SLC12A2: variants seen among roughly 807,000 people sequenced by gnomAD.
SLC12A2 encodes solute carrier family 12 member 2, also known as Na-K-2Cl cotransporter 1.
Under a neutral mutation model 136.3 loss-of-function variants are expected in SLC12A2, and 67 were observed. The observed-to-expected ratio is 0.49, with a 90% confidence interval of 0.40 to 0.60. The LOEUF (loss-of-function observed/expected upper bound fraction) is 0.60, where lower values mean the gene tolerates loss of function less well. Ranked by LOEUF, SLC12A2 falls within the 20% of genes least tolerant of loss-of-function variation. The pLI is 0.00. For missense variants in SLC12A2, 1,322 were observed against 1,534.7 expected (o/e 0.86, Z 2.32); for synonymous variants, 619 against 562.9 (o/e 1.10, Z -1.41).
intron 1 of SLC12A2, among the ~76,000 whole-genome samples, chr5:128,094,017 C>A (rs1760432491): frequency 1.3e-5 from 2 of 151,992 alleles, no homozygotes; most frequent in African/African-American, 4.8e-5. Flanking sequence ...CATACACCCA[C>A]TGTTAACTTT....
Position 128,131,050 on chromosome 5 carries a change from T to C in SLC12A2, c.1049-17T>C, listed in dbSNP as rs201305306. On this transcript the variant is annotated splice_polypyrimidine_tract_variant and intron_variant, in intron 4 of 26. Transcript: ENST00000262461. ...AACTTTAGTACCTGTTTTTTTTGTT[T>C]GTTTGTTTGTTTTTAGGAGGAGCAT... 6 of 1,610,716 alleles carry C rather than the reference T, an allele frequency of 3.7e-6. No homozygotes were observed. In the East Asian group the frequency reaches 6.7e-5, roughly 18 times the overall value.
rs1763045908 is a variant in SLC12A2 at position 128,161,747 on chromosome 5, T to C, written c.2563T>C (p.Tyr855His). The C allele has an allele frequency of 6.7e-5, 102 of 1,532,700 alleles. No homozygotes were observed. The highest frequency in any genetic ancestry group is 8.9e-5 in the Non-Finnish European group (102 of 1,142,120). 94.9% of individuals were successfully genotyped at this position (1,532,700 alleles called of 1,614,324 possible). A position where few individuals can be genotyped will look rare whatever the true frequency, so the allele number is the denominator to read the frequency against. Reference protein sequence around the residue: ...WLIKNKMKAFYAPVHADDLRE... With the variant: ...WLIKNKMKAFHAPVHADDLRE... The stretch of plus-strand genomic sequence containing the variant: ...TATTAAGAACAAAATGAAGGCATTT[T>C]ATGCTCCAGTACATGCAGATGACTT... The change falls in exon 17 of 27, where the codon TAT becomes CAT. Residue 855 changes from tyrosine (Y) to histidine (H), a missense_variant. Transcript: ENST00000262461.
At position 128,084,937 on chromosome 5, in the gene SLC12A2, C is replaced by T. The variant is rs559677998; in HGVS notation, c.756+227C>T. On this transcript the variant is annotated intron_variant, in intron 1 of 26. Coordinates refer to ENST00000262461, the MANE Select transcript of SLC12A2 (RefSeq NM_001046.3). The surrounding 1 kb of genome is among the most constrained non-coding windows in gnomAD (Gnocchi z 5.6). ...GTTACGTGATACCGGAGGGCTGCCT[C>T]TAACAACCTTCCCCATCCAGTTAGG... 6.6e-6 allele frequency among the ~76,000 whole-genome samples: 1 copy of T among 150,728 alleles called. No individual in the cohort carries two copies. The highest frequency in any genetic ancestry group is 2.4e-5 in the African/African-American group (1 of 40,926).
intron 1 of SLC12A2, among the ~76,000 whole-genome samples, chr5:128,094,946 A>C (rs554525702): frequency 2.6e-5 from 4 of 152,270 alleles, no homozygotes; most frequent in African/African-American, 9.6e-5. Flanking sequence ...GATACCAAAG[A>C]TTTCCATCAT....
chr5:128,177,457 GA>G (rs758153252), intron 21 of SLC12A2: 1 of 205,644 alleles, frequency 4.9e-6, no homozygotes, highest in Non-Finnish European at 9.6e-6. Context: ...TAGGGACACT[GA>G]AATAGGTTTT....
intron 1 of SLC12A2, among the ~76,000 whole-genome samples, chr5:128,087,015 CTG>C (rs1760126741): frequency 6.6e-6 from 1 of 152,222 alleles, no homozygotes; most frequent in Non-Finnish European, 1.5e-5. Flanking sequence ...GGGACTAACT[CTG>C]TGTTGGGAAC....
At chr5:128,140,141 G>A (rs1246119028) in intron 9 of SLC12A2, among the ~76,000 whole-genome samples, 1 of 152,034 alleles carries the variant, frequency 6.6e-6, no homozygotes, top group Non-Finnish European at 1.5e-5. Context: ...TGGGATTACA[G>A]GCACCCACCA....
chr5:128,102,880 C>T (rs1283680428), intron 1 of SLC12A2, among the ~76,000 whole-genome samples: 1 of 152,016 alleles, frequency 6.6e-6, no homozygotes, highest in Non-Finnish European at 1.5e-5. Flanking sequence ...CCTTGGCCTC[C>T]CAAAGTGCTG....
At position 128,160,486 on chromosome 5, in the gene SLC12A2, T is replaced by C. The variant is rs193015544; in HGVS notation, c.2476-1174T>C. Reference sequence around the variant, plus strand: ...AAATAGGCAAATTGTGATAAATATCTCCGGGGGAAGTAATATCTCTGGTAT... The same window carrying C: ...AAATAGGCAAATTGTGATAAATATCCCCGGGGGAAGTAATATCTCTGGTAT... On this transcript the variant is annotated intron_variant, in intron 16 of 26. Transcript: ENST00000262461. Among the ~76,000 whole-genome samples, 10 of 152,252 alleles carry C rather than the reference T, an allele frequency of 6.6e-5. No individual in the cohort carries two copies. In the East Asian group the frequency reaches 1.9e-3, roughly 29 times the overall value.
intron 20 of SLC12A2, 51 bp downstream of exon 20, chr5:128,174,717 G>A (rs1465790686): frequency 1.2e-5 from 17 of 1,360,972 alleles, no homozygotes; most frequent in South Asian, 4.3e-5. Flanking sequence ...TTTTAATTTG[G>A]GAGAAATATT....
chr5:128,175,634 A>G (rs1763515926), intron 20 of SLC12A2, among the ~76,000 whole-genome samples: 1 of 151,992 alleles, frequency 6.6e-6, no homozygotes, highest in South Asian at 2.1e-4. Flanking sequence ...TGCACCCAAC[A>G]TTATAATGGA....
chr5:128,141,722 G>T, intron 9 of SLC12A2, 108 bp from the exon 10 acceptor site: 1 of 794,644 alleles, frequency 1.3e-6, no homozygotes, highest in Non-Finnish European at 1.9e-6. Flanking sequence ...TAAGGGAGTA[G>T]ATATGTAGTC....
intron 25 of SLC12A2, 92 bp from the exon 26 acceptor site, chr5:128,184,697 T>G (rs1425876692): frequency 6.3e-7 from 1 of 1,581,840 alleles, no homozygotes; most frequent in Non-Finnish European, 8.6e-7. Flanking sequence ...GAAAATTCAT[T>G]TCAGTTTCTT....
intron 19 of SLC12A2, among the ~76,000 whole-genome samples, chr5:128,173,342 TAACTC>T (rs1763440814): frequency 1.3e-5 from 2 of 152,248 alleles, no homozygotes; most frequent in African/African-American, 2.4e-5. Context: ...TTATACCTGT[TAACTC>T]AACATAAATA....
intron 4 of SLC12A2, among the ~76,000 whole-genome samples, chr5:128,123,007 G>A (rs1298779954): frequency 2.0e-5 from 3 of 151,988 alleles, no homozygotes; most frequent in African/African-American, 4.8e-5. Context: ...TCTACAAATA[G>A]CTCAGATACG....
Position 128,180,987 on chromosome 5 carries a change from C to T in SLC12A2, c.3205C>T (p.Arg1069Trp), listed in dbSNP as rs1330581812. The T allele has an allele frequency of 6.3e-7, 1 of 1,577,298 alleles. No individual in the cohort carries two copies. Among genetic ancestry groups the T allele is most frequent in the Non-Finnish European group, 8.7e-7 (1 of 1,147,230 alleles). ...AAAGATAAACAGAATAGACCATGAC[C>T]GGAGAGCGTAAGTTTATTTCACATT... Reference protein sequence around the residue: ...GGKINRIDHDRRAMATLLSKF... With the variant: ...GGKINRIDHDWRAMATLLSKF... The change falls in exon 23 of 27, where the codon CGG becomes TGG. Residue 1069 changes from arginine (R) to tryptophan (W), a missense_variant. Physicochemically the swap from Arg to Trp is moderately radical, Grantham distance 101. This residue lies in a region of SLC12A2 where 172 missense variants were observed against 227.4 expected (regional missense o/e 0.76). Coordinates refer to ENST00000262461, the MANE Select transcript of SLC12A2 (RefSeq NM_001046.3).
intron 4 of SLC12A2, among the ~76,000 whole-genome samples, chr5:128,122,192 A>G (rs994914593): frequency 2.0e-5 from 3 of 152,228 alleles, no homozygotes; most frequent in African/African-American, 7.2e-5. Flanking sequence ...CCTTGGTTAC[A>G]TAAAACTTCA....
intron 1 of SLC12A2, among the ~76,000 whole-genome samples, chr5:128,100,486 A>C (rs1308702146): frequency 1.3e-5 from 2 of 152,120 alleles, no homozygotes; most frequent in African/African-American, 4.8e-5. Flanking sequence ...AAATATTCCA[A>C]AATCTGAAAA....
chr5:128,176,480 A>G (rs1298567898), intron 20 of SLC12A2, among the ~76,000 whole-genome samples: 1 of 152,012 alleles, frequency 6.6e-6, no homozygotes, highest in African/African-American at 2.4e-5. Context: ...AATGCCAGAT[A>G]TATTTGTAGA....
Sources: allele counts gnomAD v4.1 joint callset (sites outside exome capture counted in the v4.1 genomes callset), GRCh38; gene constraint gnomAD v4.1.1; regional missense constraint gnomAD v4.1.1; non-coding constraint Gnocchi (gnomAD v3.1); transcripts MANE v1.5; gene names NCBI Gene and HGNC (gene_info 2026-07-23, HGNC 2026-07-21).